The following KIF21A variants were observed in gnomAD, a reference collection of about 807,000 sequenced individuals.
The protein encoded by KIF21A is kinesin-like protein KIF21A.
KIF21A carries 114 observed loss-of-function variants against 202.9 expected under a neutral mutation model. The ratio of observed to expected loss-of-function variants is 0.56; its 90% confidence interval spans 0.48 to 0.66. The LOEUF (loss-of-function observed/expected upper bound fraction) is 0.66, where lower values mean the gene tolerates loss of function less well. KIF21A is among the 30% of genes least tolerant of loss of function. The pLI is 0.00. For synonymous variants in KIF21A, 667 were observed against 670.8 expected (o/e 0.99, Z 0.09); for missense variants, 1,677 against 1,994.9 (o/e 0.84, Z 3.04).
chr12:39,312,481 T>A (rs1053153261), intron 31 of KIF21A: 2 of 151,854 alleles, frequency 1.3e-5, no homozygotes, highest in Non-Finnish European at 2.9e-5. Context: ...TGACTATAGT[T>A]GATAATAATT....
At chr12:39,295,520 C>T (rs12227757) in intron 37 of KIF21A, among the ~76,000 whole-genome samples, 1 of 152,028 alleles carries the variant, frequency 6.6e-6, no homozygotes, top group Non-Finnish European at 1.5e-5. Context: ...CCCAGGCTTT[C>T]TAGATTGTAA....
intron 2 of KIF21A, 38 bp downstream of exon 2, chr12:39,370,001 A>C: frequency 1.3e-6 from 2 of 1,597,586 alleles, no homozygotes; most frequent in Middle Eastern, 1.7e-4. Flanking sequence ...AACATTTCTG[A>C]AAAGTTTCAA....
At chr12:39,352,023 G>T in intron 10 of KIF21A, 43 bp from the exon 11 acceptor site, 3 of 1,382,892 alleles carry the variant, frequency 2.2e-6, no homozygotes, top group Non-Finnish European at 3.1e-6. Context: ...ATTTTTCTCT[G>T]TGGATAAAAA....
chr12:39,311,199 A>T (rs1943995693), intron 32 of KIF21A, among the ~76,000 whole-genome samples: 1 of 151,948 alleles, frequency 6.6e-6, no homozygotes, highest in Admixed American at 6.6e-5. Flanking sequence ...CTGTAGAGAG[A>T]TGTATTCTGT....
chr12:39,382,194 G>T (rs1210473741), intron 1 of KIF21A, among the ~76,000 whole-genome samples: 2 of 152,190 alleles, frequency 1.3e-5, no homozygotes, highest in Non-Finnish European at 2.9e-5. Context: ...GGGTCAGGAG[G>T]TGGGAGACAG....
intron 1 of KIF21A, among the ~76,000 whole-genome samples, chr12:39,389,349 A>G (rs1951183664): frequency 6.6e-6 from 1 of 152,174 alleles, no homozygotes; most frequent in East Asian, 1.9e-4. Context: ...TGCTTTGTCC[A>G]TTTAAGAGTC....
intron 16 of KIF21A, chr12:39,337,504 A>G (rs1947082780): frequency 6.1e-6 from 2 of 330,510 alleles, no homozygotes; most frequent in Non-Finnish European, 5.7e-6. Flanking sequence ...TGATCGAATT[A>G]CTTTACCTCT....
At position 39,442,213 on chromosome 12, in the gene KIF21A, A is replaced by T. The variant is rs989716630; in HGVS notation, c.44+714T>A. ...TGCCTAATGTCAGTATGTTTCACAC[A>T]GTCACCCATTTCACCCTTCCTCTGG... On this transcript the variant is annotated intron_variant, in intron 1 of 37. Transcript: ENST00000361418. This position sits in a 1 kb window ranked among gnomAD's most constrained non-coding sequence, Gnocchi z 5.0. Among the ~76,000 whole-genome samples the T allele has an allele frequency of 2.6e-5, 4 of 152,126 alleles. No individual in the cohort carries two copies. The South Asian group carries it at 6.2e-4, about 24-fold the overall frequency.
rs145485580 is a variant in KIF21A at position 39,417,542 on chromosome 12, A to G, written c.44+25385T>C. ...TCGTATCACTTAGCAAATGTAGCATACAAGGAAAAGATATGGCTTCCTTCA... is the reference window on the plus strand; with the variant it reads ...TCGTATCACTTAGCAAATGTAGCATGCAAGGAAAAGATATGGCTTCCTTCA... On this transcript the variant is annotated intron_variant, in intron 1 of 37. Coordinates refer to ENST00000361418, the MANE Select transcript of KIF21A (RefSeq NM_001173464.2). 4.6e-5 allele frequency among the ~76,000 whole-genome samples: 7 copies of G among 152,316 alleles called. No homozygotes were observed. In the East Asian group the frequency reaches 1.4e-3, roughly 29 times the overall value.
rs113793117 is a variant in KIF21A, at chr12:39,407,963, G to C, written c.44+34964C>G. Among the ~76,000 whole-genome samples the C allele has an allele frequency of 6.2e-3, 937 of 151,532 alleles. 10 individuals carry two copies. The highest frequency in any genetic ancestry group is 0.022 in the African/African-American group (894 of 41,294). The stretch of plus-strand genomic sequence containing the variant: ...AGCATAAAATCAAGGCATATGAATA[G>C]AGAAAAGAAAACGTGACAAATAGTC... On this transcript the variant is annotated intron_variant, in intron 1 of 37. Coordinates refer to ENST00000361418, the MANE Select transcript of KIF21A (RefSeq NM_001173464.2).
intron 6 of KIF21A, 130 bp from the exon 7 acceptor site, chr12:39,363,343 T>A: frequency 1.6e-6 from 1 of 622,480 alleles, no homozygotes; most frequent in Non-Finnish European, 2.8e-6. Context: ...TTTGGTTTTG[T>A]TTTACATTTG....
intron 32 of KIF21A, 43 bp downstream of exon 32, chr12:39,311,374 A>T (rs754102805): frequency 7.6e-6 from 12 of 1,573,190 alleles, no homozygotes; most frequent in African/African-American, 4.1e-5. Context: ...ATTTTTTTTA[A>T]AAAAAAAGCT....
chr12:39,346,088 C>T (rs1947866877), intron 12 of KIF21A, among the ~76,000 whole-genome samples: 8 of 151,976 alleles, frequency 5.3e-5, no homozygotes, highest in Admixed American at 5.3e-4. Context: ...TCAATTTCCA[C>T]TCTGCTCACA....
At chr12:39,313,221 A>G (rs2137428526) in intron 31 of KIF21A, among the ~76,000 whole-genome samples, 1 of 152,026 alleles carries the variant, frequency 6.6e-6, no homozygotes, top group East Asian at 1.9e-4. Context: ...AGATCAAAAA[A>G]AGGGACAAAA....
intron 37 of KIF21A, among the ~76,000 whole-genome samples, chr12:39,297,400 T>A (rs536777820): frequency 6.6e-5 from 10 of 152,190 alleles, no homozygotes; most frequent in Admixed American, 3.9e-4. Flanking sequence ...TGGAATACTA[T>A]GCAGCCATAA....
chr12:39,360,732 T>C (rs985303825), intron 7 of KIF21A, among the ~76,000 whole-genome samples: 8 of 152,198 alleles, frequency 5.3e-5, no homozygotes, highest in African/African-American at 1.9e-4. Flanking sequence ...TACTTTCCTG[T>C]ATTTTCCAGA....
chr12:39,297,849 C>T (rs1262440673), intron 37 of KIF21A, among the ~76,000 whole-genome samples: 1 of 148,624 alleles, frequency 6.7e-6, no homozygotes, highest in African/African-American at 2.5e-5. Flanking sequence ...TCATTATTGC[C>T]TGGGAGCAGG....
At chr12:39,294,542 G>A in intron 37 of KIF21A, 25 bp from the exon 38 acceptor site, 1 of 1,541,266 alleles carries the variant, frequency 6.5e-7, no homozygotes, top group Non-Finnish European at 9.0e-7. Flanking sequence ...ACAAAACATG[G>A]ATATATGAAC....
At chr12:39,430,412 A>T (rs1038353211) in intron 1 of KIF21A, among the ~76,000 whole-genome samples, 1 of 151,874 alleles carries the variant, frequency 6.6e-6, no homozygotes, top group Non-Finnish European at 1.5e-5. Flanking sequence ...CTAAAAATAT[A>T]AAAATTAGCC....
Sources: gnomAD v4.1 joint callset for allele counts (sites outside exome capture counted in the v4.1 genomes callset) on GRCh38, gnomAD v4.1.1 for gene constraint, Gnocchi (gnomAD v3.1) non-coding constraint, MANE v1.5 for transcripts, NCBI Gene and HGNC (gene_info 2026-07-23, HGNC 2026-07-21) for gene names.